MYH3: variants seen among roughly 807,000 people sequenced by gnomAD.
MYH3 encodes myosin heavy chain 3, also known as myosin-3.
MYH3 carries 130 observed loss-of-function variants against 238.0 expected under a neutral mutation model. The ratio of observed to expected loss-of-function variants is 0.55; its 90% CI spans 0.47 to 0.63. MYH3 has a LOEUF of 0.63. MYH3 is among the 30% of genes least tolerant of loss of function. The pLI, the probability that MYH3 is intolerant of heterozygous loss-of-function variation, is 0.00. For missense variants in MYH3, 1,853 were observed against 2,374.9 expected (o/e 0.78, Z 4.57); for synonymous variants, 880 against 924.1 (o/e 0.95, Z 0.86).
In MYH3 at chr17:10,654,970, A is replaced by G; in HGVS notation, c.95T>C (p.Phe32Ser). ...CACGAAGCAATACGTCTTGGCATCA[A>G]AGGGCTGGTTCTGAGCCTCGATCCT... ...KERIEAQNQP[F>S]DAKTYCFVVD... is the part of the protein sequence containing the mutation. Residue 32 changes from phenylalanine to serine, a missense_variant, in exon 3 of 41, where the codon TTT becomes TCT. By Grantham distance (155) the Phe-to-Ser change is radical. Coordinates refer to ENST00000583535, the MANE Select transcript of MYH3 (RefSeq NM_002470.4). The surrounding 1 kb of genome is among the most constrained non-coding windows in gnomAD (Gnocchi z 4.5). 2 of 1,614,164 alleles carry G rather than the reference A, an allele frequency of 1.2e-6. No homozygotes were observed. The highest frequency in any genetic ancestry group is 1.7e-6 in the Non-Finnish European group (2 of 1,180,020).
At chr17:10,671,572 A>ATTT in the MYH3 span, among the ~76,000 whole-genome samples, 89 of 82,310 alleles carry the variant, frequency 1.1e-3, no homozygotes, top group Non-Finnish European at 1.4e-3. Context: ...TCTCAGGGTC[A>ATTT]TTTTTTTTTT....
At chr17:10,656,050 G>A (rs1199557537) in intron 2 of MYH3, 40 bp downstream of exon 2, 1 of 152,296 alleles carries the variant, frequency 6.6e-6, no homozygotes, top group Non-Finnish European at 1.5e-5. Context: ...GGATTGCCTG[G>A]AGATCTCCAA....
intron 8 of MYH3, among the ~76,000 whole-genome samples, 162 bp downstream of exon 8, chr17:10,648,395 C>T (rs1218855328): frequency 6.6e-6 from 1 of 152,212 alleles, no homozygotes; most frequent in Non-Finnish European, 1.5e-5. Flanking sequence ...ACACGCTGTT[C>T]ATTGAACTTG....
At chr17:10,628,770 C>A in intron 40 of MYH3, 91 bp from the exon 41 acceptor site, 1 of 1,390,176 alleles carries the variant, frequency 7.2e-7, no homozygotes, top group Non-Finnish European at 1.0e-6. Context: ...GAGTTGCTTG[C>A]CTACTTCAGT....
intron 19 of MYH3, 24 bp from the exon 20 acceptor site, chr17:10,640,710 T>A (rs755564853): frequency 1.2e-6 from 2 of 1,612,654 alleles, no homozygotes; most frequent in Non-Finnish European, 1.7e-6. Context: ...ATGGAAATCA[T>A]CACAGACTGT....
At chr17:10,644,558 C>T in intron 13 of MYH3, 26 bp downstream of exon 13, 1 of 1,613,486 alleles carries the variant, frequency 6.2e-7, no homozygotes, top group Middle Eastern at 1.6e-4. Flanking sequence ...GGGTCCTGCA[C>T]CCTTTCCCGG....
the MYH3 span, among the ~76,000 whole-genome samples, chr17:10,662,931 A>G: frequency 6.6e-6 from 1 of 152,076 alleles, no homozygotes; most frequent in Non-Finnish European, 1.5e-5. Flanking sequence ...TGCTAAAAAC[A>G]CAAAAATTAG....
chr17:10,631,896 G>C lies in MYH3; in HGVS notation c.5077C>G (p.Leu1693Val). Residue 1693 changes from leucine (L) to valine (V), a missense_variant, in exon 35 of 41, where the codon CTG becomes GTG. Physicochemically the swap from Leu to Val is conservative, Grantham distance 32. This residue lies in a region of MYH3 where 1,044 missense variants were observed against 1,192.6 expected (regional missense o/e 0.88). Transcript: ENST00000583535. ...QAEVEELRAT[L>V]EQTERARKLA... ...TTCCGGGCCCTCTCCGTCTGCTCCA[G>C]AGTAGCCCGCAGCTCCTCCACCTCG... is the stretch of plus-strand genomic sequence containing the variant. 6 of 1,614,172 alleles carry C rather than the reference G, an allele frequency of 3.7e-6. No individual in the cohort carries two copies. Among genetic ancestry groups the C allele is most frequent in the Non-Finnish European group, 5.1e-6 (6 of 1,180,030 alleles).
At chr17:10,663,006 G>A in the MYH3 span, among the ~76,000 whole-genome samples, 2 of 152,114 alleles carry the variant, frequency 1.3e-5, no homozygotes, top group African/African-American at 4.8e-5. Context: ...AGAATCACTT[G>A]AACCTGGGAG....
rs1207773589 is a variant in MYH3, at chr17:10,639,709, T to C, written c.2776A>G (p.Arg926Gly). 6.2e-7 allele frequency: 1 copy of C among 1,614,086 alleles called. No individual in the cohort carries two copies. Among genetic ancestry groups the C allele is most frequent in the Non-Finnish European group, 8.5e-7 (1 of 1,180,020 alleles). Residue 926 changes from arginine (R) to glycine (G), a missense_variant, in exon 23 of 41, where the codon AGA becomes GGA. Coordinates refer to ENST00000583535, the MANE Select transcript of MYH3 (RefSeq NM_002470.4). ...LEAKIKEVTE[R>G]AEDEEEINAE... ...TTGATCTCCTCCTCATCTTCAGCTCTCTCTGTCACCTCCTTGATCTTGGCC... is the reference window on the plus strand; with the variant it reads ...TTGATCTCCTCCTCATCTTCAGCTCCCTCTGTCACCTCCTTGATCTTGGCC...
rs111358355 is a variant in MYH3 at position 10,631,885 on chromosome 17, C to T, written c.5088G>A (p.Thr1696=). 2.2e-5 allele frequency: 36 copies of T among 1,614,160 alleles called. 1 individual carries two copies. Among genetic ancestry groups the T allele is most frequent in the African/African-American group, 1.2e-4 (9 of 75,046 alleles). ...GTTCCGCCAGTTTCCGGGCCCTCTC[C>T]GTCTGCTCCAGAGTAGCCCGCAGCT... ...VEELRATLEQ[T]ERARKLAEQE... is the part of the protein sequence containing the mutation. The change falls in exon 35 of 41, where the codon ACG becomes ACA. Residue 1696 remains threonine, a synonymous_variant. Transcript: ENST00000583535.
chr17:10,657,858 C>A (rs538467627), upstream of MYH3, among the ~76,000 whole-genome samples: 1 of 152,236 alleles, frequency 6.6e-6, no homozygotes, highest in East Asian at 1.9e-4. Context: ...TCCCCTCCCC[C>A]CTTGCCCTCT....
In MYH3 at chr17:10,638,197, G is replaced by A. The variant is rs145605656; in HGVS notation, c.3575C>T (p.Ala1192Val). Residue 1192 changes from alanine to valine, a missense_variant, in exon 27 of 41, where the codon GCG becomes GTG. Ala to Val is a moderately conservative substitution (Grantham distance 64, BLOSUM62 0). Around this residue, in one of 3 missense-constraint regions of MYH3, gnomAD observed 1,044 missense variants for 1,192.6 expected, o/e 0.88. Coordinates refer to ENST00000583535, the MANE Select transcript of MYH3 (RefSeq NM_002470.4). Reference sequence around the variant, plus strand: ...ACTATCCGCATGCTTCTTCCTCAGCGCGGCCACCATGGCTTCGTGCTGCAG... The same window carrying A: ...ACTATCCGCATGCTTCTTCCTCAGCACGGCCACCATGGCTTCGTGCTGCAG... ...ATLQHEAMVAALRKKHADSVA... is the reference protein window; with the variant it reads ...ATLQHEAMVAVLRKKHADSVA... 8 of 1,613,630 alleles carry A rather than the reference G, an allele frequency of 5.0e-6. No individual in the cohort carries two copies. The Admixed American group carries it at 5.0e-5, about 10-fold the overall frequency.
At position 10,642,141 on chromosome 17, in the gene MYH3, C is replaced by T; in HGVS notation, c.1959+99G>A. Reference sequence around the variant, plus strand: ...AGTGACAGTAATCAGATTAAGACAACACTACTACTCTCAAATAAATCAAGC... The same window carrying T: ...AGTGACAGTAATCAGATTAAGACAATACTACTACTCTCAAATAAATCAAGC... On this transcript the variant is annotated intron_variant, in intron 17 of 40. Transcript: ENST00000583535. This position sits in a 1 kb window ranked among gnomAD's most constrained non-coding sequence, Gnocchi z 5.4. 9.0e-7 allele frequency: 1 copy of T among 1,111,108 alleles called. No individual in the cohort carries two copies. Among genetic ancestry groups the T allele is most frequent in the South Asian group, 1.3e-5 (1 of 75,264 alleles). 68.8% of individuals were successfully genotyped at this position (1,111,108 alleles called of 1,614,324 possible).
rs1597494930 is a variant in MYH3, at chr17:10,654,794, G to T, written c.204+67C>A. On this transcript the variant is annotated intron_variant, in intron 3 of 40. Coordinates refer to ENST00000583535, the MANE Select transcript of MYH3 (RefSeq NM_002470.4). The surrounding 1 kb of genome is among the most constrained non-coding windows in gnomAD (Gnocchi z 4.5). The stretch of plus-strand genomic sequence containing the variant: ...TGGAAGTGGCTGGGGTTGGGCAGAT[G>T]CATACCCCAGGCAAGCACAAGGACC... 1 of 1,462,860 alleles carries T rather than the reference G, an allele frequency of 6.8e-7. No homozygotes were observed. Among genetic ancestry groups the T allele is most frequent in the Non-Finnish European group, 9.6e-7 (1 of 1,042,106 alleles). The allele number at this position is 1,462,860 out of a possible 1,614,324, so 90.6% of individuals were successfully genotyped here. A position where few individuals can be genotyped will look rare whatever the true frequency, so the allele number is the denominator to read the frequency against.
In MYH3 at chr17:10,631,944, G is replaced by A. The variant is rs1468242867; in HGVS notation, c.5029C>T (p.Arg1677Cys). The A allele has an allele frequency of 6.2e-6, 10 of 1,613,948 alleles. No homozygotes were observed. The highest frequency in any genetic ancestry group is 8.5e-6 in the Non-Finnish European group (10 of 1,180,054). Reference sequence around the variant, plus strand: ...TCGGCCTGCAGCAGGTTGGCTCTGCGCTCCACAATCGCCAGCTGCTCCTTC... The same window carrying A: ...TCGGCCTGCAGCAGGTTGGCTCTGCACTCCACAATCGCCAGCTGCTCCTTC... ...DLKEQLAIVE[R>C]RANLLQAEVE... Residue 1677 changes from arginine to cysteine, a missense_variant, in exon 35 of 41, where the codon CGC becomes TGC. Physicochemically the swap from Arg to Cys is radical, Grantham distance 180. This residue lies in a region of MYH3 where 1,044 missense variants were observed against 1,192.6 expected (regional missense o/e 0.88). Transcript: ENST00000583535.
chr17:10,635,925 G>C, intron 28 of MYH3, 72 bp from the exon 29 acceptor site: 2 of 1,255,682 alleles, frequency 1.6e-6, no homozygotes, highest in Admixed American at 3.4e-5. Context: ...TTATGTGTAG[G>C]GCACTGTGCT....
At chr17:10,643,148 C>A (rs1277111854) in intron 14 of MYH3, 152 bp from the exon 15 acceptor site, 5 of 1,433,720 alleles carry the variant, frequency 3.5e-6, no homozygotes, top group Non-Finnish European at 1.9e-6. Context: ...CAGACCGCAT[C>A]TCCTCCTTGG....
chr17:10,630,115 T>A lies in MYH3; in HGVS notation c.5539A>T (p.Arg1847Trp), dbSNP rs2074139886. 6.2e-7 allele frequency: 1 copy of A among 1,614,180 alleles called. No homozygotes were observed. Among genetic ancestry groups the A allele is most frequent in the Non-Finnish European group, 8.5e-7 (1 of 1,180,014 alleles). The change falls in exon 38 of 41, where the codon AGG (arginine) becomes TGG (tryptophan). Residue 1847 changes from arginine (R) to tryptophan (W), a missense_variant. Arg to Trp is a moderately radical substitution (Grantham distance 101, BLOSUM62 -3). Coordinates refer to ENST00000583535, the MANE Select transcript of MYH3 (RefSeq NM_002470.4). Reference protein sequence around the residue: ...SVKGLRKYERRVKELTYQSEE... With the variant: ...SVKGLRKYERWVKELTYQSEE... ...ACCTGGTACGTCAGCTCCTTGACCC[T>A]CCGCTCATACTTCCTCAGGCCCTTA...
Sources: gnomAD v4.1 joint callset for allele counts (sites outside exome capture counted in the v4.1 genomes callset) on GRCh38, gnomAD v4.1.1 for gene constraint, gnomAD v4.1.1 regional missense constraint, Gnocchi (gnomAD v3.1) non-coding constraint, MANE v1.5 for transcripts, NCBI Gene and HGNC (gene_info 2026-07-23, HGNC 2026-07-21) for gene names.